Variants in CC2D2B observed in about 807,000 individuals in gnomAD.
The protein encoded by CC2D2B is coiled-coil and C2 domain containing 2B, also known as protein CC2D2B.
A neutral mutation model predicts 161.2 loss-of-function variants in CC2D2B; 128 were observed. The ratio of observed to expected loss-of-function variants is 0.79; its 90% CI spans 0.69 to 0.92. The LOEUF (loss-of-function observed/expected upper bound fraction) is 0.92, where lower values mean the gene tolerates loss of function less well. Ranked by LOEUF, CC2D2B falls within the 40% of genes least tolerant of loss-of-function variation. CC2D2B has a pLI of 0.00. For missense variants in CC2D2B, 1,173 were observed against 1,375.1 expected (o/e 0.85, Z 2.32); for synonymous variants, 391 against 449.8 (o/e 0.87, Z 1.65).
intron 6 of CC2D2B, among the ~76,000 whole-genome samples, chr10:95,934,517 A>G (rs1463960315): frequency 1.3e-5 from 2 of 152,008 alleles, no homozygotes; most frequent in South Asian, 2.1e-4. Flanking sequence ...CCAGTTTTGT[A>G]TTGAAACCCA....
At chr10:95,911,002 T>C (rs1476319682) in intron 1 of CC2D2B, among the ~76,000 whole-genome samples, 2 of 152,156 alleles carry the variant, frequency 1.3e-5, no homozygotes, top group African/African-American at 4.8e-5. Context: ...AAACTTTATT[T>C]AGTCTTTTGG....
At position 95,956,623 on chromosome 10, in the gene CC2D2B, A is replaced by C. The variant is rs141180996; in HGVS notation, c.1109+1132A>C. Among the ~76,000 whole-genome samples, 372 of 152,278 alleles carry C rather than the reference A, an allele frequency of 2.4e-3. 4 individuals are homozygous for C. Among genetic ancestry groups the C allele is most frequent in the African/African-American group, 8.3e-3 (347 of 41,576 alleles). On this transcript the variant is annotated intron_variant, in intron 11 of 34. Transcript: ENST00000646931. ...ATCTGCCCACCCAGACAACAGTTGT[A>C]CTAGCAGAGAACCTGTCTGATGTAA...
Position 95,966,258 on chromosome 10 carries a change from ACTTT to A in CC2D2B, c.1428_1431del (p.Phe477LeufsTer4), listed in dbSNP as rs2076937019. The stretch of plus-strand genomic sequence containing the variant: ...TAAAGCCAATTACCTTGAGGCCACA[ACTTT>A]CTTTCACTGCAGAATTAACAAGCTT... On this transcript the variant is annotated frameshift_variant, in exon 14 of 35. Transcript: ENST00000646931. LOFTEE classifies it high-confidence loss of function. 3.3e-6 allele frequency: 4 copies of A among 1,224,350 alleles called. No homozygotes were observed. The highest frequency in any genetic ancestry group is 4.1e-6 in the Non-Finnish European group (4 of 981,254). The allele number at this position is 1,224,350 out of a possible 1,614,324, so 75.8% of individuals were successfully genotyped here. A position where few individuals can be genotyped will look rare whatever the true frequency, so the allele number is the denominator to read the frequency against.
chr10:96,021,844 T>G (rs1053770019), intron 32 of CC2D2B, among the ~76,000 whole-genome samples: 45 of 152,208 alleles, frequency 3.0e-4, no homozygotes, highest in African/African-American at 1.1e-3. Context: ...TTTTTAAAAG[T>G]CTAAAACAAA....
Position 95,938,204 on chromosome 10 carries a change from C to T in CC2D2B, c.535+15C>T. 4 of 1,504,544 alleles carry T rather than the reference C, an allele frequency of 2.7e-6. No individual in the cohort carries two copies. Among genetic ancestry groups the T allele is most frequent in the Non-Finnish European group, 3.6e-6 (4 of 1,106,482 alleles). 93.2% of individuals were successfully genotyped at this position (1,504,544 alleles called of 1,614,324 possible). On this transcript the variant is annotated intron_variant, in intron 7 of 34. Transcript: ENST00000646931. Reference sequence around the variant, plus strand: ...TAGTTCTCCAGGTAACATTCTTTCCCAGTAAAATATTCAAGTCATTAACGA... The same window carrying T: ...TAGTTCTCCAGGTAACATTCTTTCCTAGTAAAATATTCAAGTCATTAACGA...
intron 33 of CC2D2B, 117 bp from the exon 34 acceptor site, chr10:96,027,095 C>T (rs758270327): frequency 7.5e-5 from 53 of 709,436 alleles, no homozygotes; most frequent in Non-Finnish European, 1.0e-4. Flanking sequence ...TGCACTCCAG[C>T]CTGGGGGACA....
chr10:96,001,547 G>C (rs1330398808), intron 24 of CC2D2B, among the ~76,000 whole-genome samples: 1 of 152,076 alleles, frequency 6.6e-6, no homozygotes, highest in Non-Finnish European at 1.5e-5. Context: ...TGACATCTTG[G>C]AGGCTATATA....
intron 9 of CC2D2B, among the ~76,000 whole-genome samples, chr10:95,947,113 A>ATATATAT (rs1289243570): frequency 4.1e-5 from 2 of 48,386 alleles, no homozygotes; most frequent in African/African-American, 9.3e-5. Flanking sequence ...ATATATATAT[A>ATATATAT]TTTTTTTTTT....
At chr10:95,961,544 C>T (rs2076762986) in intron 11 of CC2D2B, 2 of 195,786 alleles carry the variant, frequency 1.0e-5, no homozygotes, top group Non-Finnish European at 2.1e-5. Flanking sequence ...AAAAAAATCT[C>T]GTAGAATTCT....
intron 11 of CC2D2B, among the ~76,000 whole-genome samples, chr10:95,960,189 T>A (rs1306653053): frequency 6.6e-6 from 1 of 152,194 alleles, no homozygotes; most frequent in Non-Finnish European, 1.5e-5. Flanking sequence ...CTATCCTTTC[T>A]ACTGCATCAC....
intron 6 of CC2D2B, among the ~76,000 whole-genome samples, chr10:95,932,479 G>A (rs1323489847): frequency 6.6e-6 from 1 of 152,154 alleles, no homozygotes; most frequent in Non-Finnish European, 1.5e-5. Context: ...TAGTGTCAAT[G>A]GTCTTTATAA....
At chr10:95,966,140 C>T in intron 13 of CC2D2B, 50 bp from the exon 14 acceptor site, 1 of 768,884 alleles carries the variant, frequency 1.3e-6, no homozygotes, top group Non-Finnish European at 1.8e-6. Flanking sequence ...AATAAATGTC[C>T]TACACAGGGA....
At chr10:96,019,073 C>A in intron 30 of CC2D2B, 130 bp from the exon 31 acceptor site, 1 of 682,828 alleles carries the variant, frequency 1.5e-6, no homozygotes, top group Non-Finnish European at 2.3e-6. Flanking sequence ...TCCCAAAGAG[C>A]CGGGATTACA....
chr10:95,936,408 C>G (rs1212001676), intron 6 of CC2D2B, among the ~76,000 whole-genome samples: 1 of 152,146 alleles, frequency 6.6e-6, no homozygotes, highest in Non-Finnish European at 1.5e-5. Flanking sequence ...CTGGGCAACC[C>G]AGAGTGAGGC....
intron 34 of CC2D2B, 72 bp from the exon 35 acceptor site, chr10:96,031,748 C>A: frequency 7.6e-7 from 1 of 1,313,388 alleles, no homozygotes; most frequent in East Asian, 2.3e-5. Context: ...CTTTTGTGAT[C>A]TTTTTGCATA....
At chr10:95,912,427 G>A (rs1424418983) in intron 2 of CC2D2B, among the ~76,000 whole-genome samples, 3 of 152,108 alleles carry the variant, frequency 2.0e-5, no homozygotes, top group Admixed American at 6.5e-5. Context: ...TTAGGAGAGT[G>A]AAGGCTGGAG....
chr10:95,947,365 G>A (rs902578861), intron 9 of CC2D2B, among the ~76,000 whole-genome samples: 3 of 150,540 alleles, frequency 2.0e-5, no homozygotes, highest in Admixed American at 6.6e-5. Flanking sequence ...CACCTGCCTC[G>A]GCCTCCCAAA....
At chr10:95,950,335 G>C in intron 10 of CC2D2B, 3 of 325,320 alleles carry the variant, frequency 9.2e-6, no homozygotes, top group Non-Finnish European at 1.7e-5. Context: ...TGGTATTCTT[G>C]GTCCTATAAC....
At chr10:95,951,228 C>G (rs1174034921) in intron 10 of CC2D2B, among the ~76,000 whole-genome samples, 2 of 152,036 alleles carry the variant, frequency 1.3e-5, no homozygotes, top group Non-Finnish European at 2.9e-5. Context: ...TCATGGCTCA[C>G]TGCAGCCTCA....
Sources: allele counts gnomAD v4.1 joint callset (sites outside exome capture counted in the v4.1 genomes callset), GRCh38; gene constraint gnomAD v4.1.1; transcripts MANE v1.5; gene names NCBI Gene and HGNC (gene_info 2026-07-23, HGNC 2026-07-21).